The following PLGRKT variants were observed in gnomAD, a reference collection of about 807,000 sequenced individuals.
The protein encoded by PLGRKT is plasminogen receptor (KT).
Under a neutral mutation model 18.5 loss-of-function variants are expected in PLGRKT, and 22 were observed. The observed-to-expected ratio is 1.19, with a 90% confidence interval of 0.85 to 1.70. The LOEUF is 1.70. Among genes scored for constraint, PLGRKT ranks in the 40% most tolerant of loss-of-function variants. PLGRKT has a pLI of 0.00. For missense variants in PLGRKT, 235 were observed against 174.4 expected, an observed-to-expected ratio of 1.35 and a Z score of -1.96; for synonymous variants, 72 against 52.8, an observed-to-expected ratio of 1.36 and a Z score of -1.58.
At chr9:5,407,236 A>T (rs1270275468) in intron 3 of PLGRKT, among the ~76,000 whole-genome samples, 1 of 152,212 alleles carries the variant, frequency 6.6e-6, no homozygotes, top group East Asian at 1.9e-4. Flanking sequence ...ATCTTACCAT[A>T]ATAAATAAAA....
At chr9:5,431,327 A>G (rs1477214968) in intron 3 of PLGRKT, among the ~76,000 whole-genome samples, 1 of 152,150 alleles carries the variant, frequency 6.6e-6, no homozygotes, top group Non-Finnish European at 1.5e-5. Context: ...TGAGGCCAGG[A>G]GTTCGAGACC....
intron 3 of PLGRKT, among the ~76,000 whole-genome samples, chr9:5,365,502 G>A (rs181355944): frequency 2.5e-4 from 34 of 138,596 alleles, no homozygotes; most frequent in African/African-American, 7.7e-4. Flanking sequence ...CCCACCCCTT[G>A]ATCTTGGGCT....
intron 3 of PLGRKT, 108 bp downstream of exon 3, chr9:5,431,789 A>G (rs1043803660): frequency 1.6e-6 from 1 of 638,994 alleles, no homozygotes; most frequent in African/African-American, 1.8e-5. Context: ...GATGCAGCCC[A>G]AAGAACATTT....
At chr9:5,437,021 T>C (rs1395360891) in intron 1 of PLGRKT, among the ~76,000 whole-genome samples, 1 of 152,216 alleles carries the variant, frequency 6.6e-6, no homozygotes, top group Non-Finnish European at 1.5e-5. Context: ...TCACTGTGTC[T>C]CAGAGTGATG....
At chr9:5,411,237 A>C (rs575937185) in intron 3 of PLGRKT, among the ~76,000 whole-genome samples, 2 of 152,024 alleles carry the variant, frequency 1.3e-5, no homozygotes, top group South Asian at 4.2e-4. Context: ...TACAAAAATT[A>C]GCCGGGCCAC....
chr9:5,423,299 T>C (rs975988858), intron 3 of PLGRKT, among the ~76,000 whole-genome samples: 3 of 152,186 alleles, frequency 2.0e-5, no homozygotes, highest in African/African-American at 4.8e-5. Context: ...AGACACTCCA[T>C]AAAGTGTACT....
chr9:5,373,163 C>T (rs1817560603), intron 3 of PLGRKT, among the ~76,000 whole-genome samples: 1 of 152,044 alleles, frequency 6.6e-6, no homozygotes, highest in South Asian at 2.1e-4. Context: ...ATAGACTGAC[C>T]CAAATTATTC....
At position 5,405,677 on chromosome 9, in the gene PLGRKT, C is replaced by T. The variant is rs570870676; in HGVS notation, c.81+26220G>A. On this transcript the variant is annotated intron_variant, in intron 3 of 5. Coordinates refer to ENST00000223864, the MANE Select transcript of PLGRKT (RefSeq NM_018465.4). Reference sequence around the variant, plus strand: ...ACCCTAGAAGAAAATCTAGGCAATACTATTTAGGACACAGGCATAGGCAAA... The same window carrying T: ...ACCCTAGAAGAAAATCTAGGCAATATTATTTAGGACACAGGCATAGGCAAA... 8.5e-5 allele frequency among the ~76,000 whole-genome samples: 13 copies of T among 152,278 alleles called. No individual in the cohort carries two copies. The South Asian group carries it at 1.7e-3, about 19-fold the overall frequency.
intron 3 of PLGRKT, among the ~76,000 whole-genome samples, chr9:5,387,010 A>C (rs939259424): frequency 1.3e-5 from 2 of 151,912 alleles, no homozygotes; most frequent in African/African-American, 4.9e-5. Flanking sequence ...GGGTGATGGC[A>C]AACGGACAGA....
At chr9:5,409,512 G>T (rs1425796816) in intron 3 of PLGRKT, among the ~76,000 whole-genome samples, 1 of 152,166 alleles carries the variant, frequency 6.6e-6, no homozygotes, top group Non-Finnish European at 1.5e-5. Context: ...GTGATCGTGT[G>T]AGTTAATACT....
chr9:5,381,984 CT>C (rs1353535465), intron 3 of PLGRKT: 1 of 985,390 alleles, frequency 1.0e-6, no homozygotes. Context: ...CACTCCTCCC[CT>C]GGCTTGTTTA....
At chr9:5,390,004 A>T (rs1168697999) in intron 3 of PLGRKT, among the ~76,000 whole-genome samples, 1 of 151,798 alleles carries the variant, frequency 6.6e-6, no homozygotes, top group African/African-American at 2.4e-5. Flanking sequence ...CATCATGTCC[A>T]GAAGCACCAG....
intron 3 of PLGRKT, among the ~76,000 whole-genome samples, chr9:5,408,979 G>A (rs78868764): frequency 8.1e-4 from 124 of 152,358 alleles, no homozygotes; most frequent in Non-Finnish European, 1.3e-3. Context: ...AGTATGCAGC[G>A]GATAAGAGTT....
At chr9:5,378,467 C>T (rs1817673828) in intron 3 of PLGRKT, among the ~76,000 whole-genome samples, 4 of 152,058 alleles carry the variant, frequency 2.6e-5, no homozygotes, top group Admixed American at 2.6e-4. Context: ...ACAAAAGAAC[C>T]CAGACACAGA....
At chr9:5,375,006 T>C (rs1268745547) in intron 3 of PLGRKT, among the ~76,000 whole-genome samples, 1 of 152,176 alleles carries the variant, frequency 6.6e-6, no homozygotes, top group Non-Finnish European at 1.5e-5. Context: ...TTAATCCCTG[T>C]AGACACTCAC....
chr9:5,437,591 G>A (rs1036903094), intron 1 of PLGRKT, 198 bp downstream of exon 1: 1 of 152,298 alleles, frequency 6.6e-6, no homozygotes, highest in Non-Finnish European at 1.5e-5. Flanking sequence ...GTCCACGCCA[G>A]GCGACAAGAA....
chr9:5,384,667 A>G (rs1817808261), intron 3 of PLGRKT, among the ~76,000 whole-genome samples: 1 of 152,128 alleles, frequency 6.6e-6, no homozygotes, highest in South Asian at 2.1e-4. Context: ...GACCATGTAA[A>G]CATGACATGA....
intron 3 of PLGRKT, among the ~76,000 whole-genome samples, chr9:5,362,543 C>G (rs1366891267): frequency 6.6e-6 from 1 of 152,086 alleles, no homozygotes; most frequent in Non-Finnish European, 1.5e-5. Context: ...TAAACCCAAG[C>G]CCATTATTTG....
intron 3 of PLGRKT, among the ~76,000 whole-genome samples, chr9:5,370,258 T>G (rs1434520742): frequency 1.3e-5 from 2 of 152,188 alleles, no homozygotes; most frequent in African/African-American, 4.8e-5. Flanking sequence ...ACAAAATTAC[T>G]GACCTCAGTA....
Sources: allele counts gnomAD v4.1 joint callset (sites outside exome capture counted in the v4.1 genomes callset), GRCh38; gene constraint gnomAD v4.1.1; transcripts MANE v1.5; gene names NCBI Gene and HGNC (gene_info 2026-07-23, HGNC 2026-07-21).